CFAP58: variants seen among roughly 807,000 people sequenced by gnomAD.
The protein encoded by CFAP58 is cilia- and flagella-associated protein 58.
CFAP58 carries 88 observed loss-of-function variants against 119.5 expected under a neutral mutation model. That is an observed-to-expected ratio of 0.74 (90% CI 0.62 to 0.88). The LOEUF (loss-of-function observed/expected upper bound fraction) is 0.88, where lower values mean the gene tolerates loss of function less well. CFAP58 is among the 40% of genes least tolerant of loss of function. The pLI, the probability that CFAP58 is intolerant of heterozygous loss-of-function variation, is 0.00. For synonymous variants in CFAP58, 365 were observed against 366.3 expected, an observed-to-expected ratio of 1.00 and a Z score of 0.04; for missense variants, 990 against 1,021.2, an observed-to-expected ratio of 0.97 and a Z score of 0.42.
In CFAP58 at chr10:104,454,642, T is replaced by A. The variant is rs774343764; in HGVS notation, c.*112T>A. The A allele has an allele frequency of 1.1e-5, 8 of 745,984 alleles. No homozygotes were observed. Among genetic ancestry groups the A allele is most frequent in the Non-Finnish European group, 1.9e-5 (8 of 429,514 alleles). The allele number at this position is 745,984 out of a possible 1,614,324, so 46.2% of individuals were successfully genotyped here. A position where few individuals can be genotyped will look rare whatever the true frequency, so the allele number is the denominator to read the frequency against. ...AGAACTGAGTGCTGAGAATCCAGGA[T>A]GGAAAGAAATGCAGAACTATCATAG... On this transcript the variant is annotated 3_prime_UTR_variant, in exon 18 of 18. Transcript: ENST00000369704.
intron 15 of CFAP58, among the ~76,000 whole-genome samples, chr10:104,417,489 T>G (rs2012572642): frequency 6.6e-6 from 1 of 152,202 alleles, no homozygotes; most frequent in South Asian, 2.1e-4. Flanking sequence ...GACAACTGAA[T>G]GCAACCAGAA....
intron 17 of CFAP58, among the ~76,000 whole-genome samples, chr10:104,451,233 G>A (rs1489519999): frequency 6.6e-6 from 1 of 152,196 alleles, no homozygotes; most frequent in East Asian, 1.9e-4. Context: ...TGGCTTGAGT[G>A]CATTTGCCTA....
intron 7 of CFAP58, among the ~76,000 whole-genome samples, chr10:104,373,479 A>G (rs1008077351): frequency 3.9e-5 from 6 of 152,034 alleles, no homozygotes; most frequent in Admixed American, 3.3e-4. Context: ...TCAAAAAAAA[A>G]AATTGCCAGG....
At chr10:104,377,797 G>T (rs1181300774) in intron 8 of CFAP58, among the ~76,000 whole-genome samples, 1 of 151,998 alleles carries the variant, frequency 6.6e-6, no homozygotes, top group African/African-American at 2.4e-5. Context: ...GACTATTCAG[G>T]GAATCTCAGG....
Position 104,361,972 on chromosome 10 carries a change from C to T in CFAP58, c.292-51C>T, listed in dbSNP as rs12251440. ...TTATTCTGTTTGCTGGTTTATCTTG[C>T]ATCTAGAATCCAGTTTGGTCTTTCT... is the stretch of plus-strand genomic sequence containing the variant. On this transcript the variant is annotated intron_variant, in intron 2 of 17. Coordinates refer to ENST00000369704, the MANE Select transcript of CFAP58 (RefSeq NM_001008723.2). 6,397 of 1,560,900 alleles carry T rather than the reference C, an allele frequency of 4.1e-3. 197 individuals carry two copies. In the African/African-American group the frequency reaches 0.07, roughly 17 times the overall value.
At position 104,400,880 on chromosome 10, in the gene CFAP58, T is replaced by C. The variant is rs201388359; in HGVS notation, c.2016T>C (p.Ser672=). 11 of 1,613,906 alleles carry C rather than the reference T, an allele frequency of 6.8e-6. No individual in the cohort carries two copies. In the Admixed American group the frequency reaches 8.3e-5, roughly 12 times the overall value. ...LRREKGILAR[S]MANVEELRQE... ...GGGAAAAGGGGATTCTTGCCAGGAG[T>C]ATGGCTAATGTTGAAGAACTCAGGT... The change falls in exon 13 of 18, where the codon AGT becomes AGC. Residue 672 remains serine, a synonymous_variant. Coordinates refer to ENST00000369704, the MANE Select transcript of CFAP58 (RefSeq NM_001008723.2).
At chr10:104,405,431 C>G (rs1180090187) in intron 14 of CFAP58, among the ~76,000 whole-genome samples, 1 of 152,186 alleles carries the variant, frequency 6.6e-6, no homozygotes, top group Non-Finnish European at 1.5e-5. Flanking sequence ...TTTAAAGTTT[C>G]CAATTCCACA....
Position 104,396,369 on chromosome 10 carries a change from TGAGAGAGAGAGAGAGA to T in CFAP58, c.1675-2936_1675-2921del, listed in dbSNP as rs57210958. ...GCCATGGATAGGGAGCTGTTATCCA[TGAGAGAGAGAGAGAGA>T]GAGAGAGAGAGAGAGAGAGAGAGAG... On this transcript the variant is annotated intron_variant, in intron 11 of 17. Transcript: ENST00000369704. 3.1e-3 allele frequency among the ~76,000 whole-genome samples: 267 copies of T among 86,818 alleles called. 3 individuals are homozygous for T. The highest frequency in any genetic ancestry group is 5.2e-3 in the South Asian group (11 of 2,124). 57.0% of individuals were successfully genotyped at this position (86,818 alleles called of 152,430 possible).
intron 10 of CFAP58, 26 bp from the exon 11 acceptor site, chr10:104,393,303 A>G (rs759098745): frequency 9.4e-6 from 15 of 1,599,754 alleles, no homozygotes; most frequent in Non-Finnish European, 1.2e-5. Flanking sequence ...ATTCACTTTC[A>G]AACATTTCTC....
At chr10:104,366,650 T>C (rs2014755307) in intron 5 of CFAP58, among the ~76,000 whole-genome samples, 1 of 152,120 alleles carries the variant, frequency 6.6e-6, no homozygotes, top group Non-Finnish European at 1.5e-5. Context: ...AAATTAAAAA[T>C]TCATTTCCTT....
intron 13 of CFAP58, among the ~76,000 whole-genome samples, 200 bp downstream of exon 13, chr10:104,401,103 T>G (rs1437090164): frequency 6.6e-6 from 1 of 152,206 alleles, no homozygotes; most frequent in Non-Finnish European, 1.5e-5. Flanking sequence ...GTCACAATAA[T>G]GAACCAGCTT....
intron 15 of CFAP58, among the ~76,000 whole-genome samples, chr10:104,445,354 A>G (rs2013098801): frequency 6.6e-6 from 1 of 151,996 alleles, no homozygotes; most frequent in Admixed American, 6.6e-5. Flanking sequence ...AACAACAAAA[A>G]ACAAACCAAA....
At chr10:104,406,855 C>T (rs752598474) in intron 15 of CFAP58, 62 bp downstream of exon 15, 117 of 1,269,986 alleles carry the variant, frequency 9.2e-5, no homozygotes, top group Middle Eastern at 1.9e-4. Context: ...TCCAGGACTA[C>T]GTTCTTAGAA....
At chr10:104,351,002 T>G (rs1204135363), upstream of CFAP58, among the ~76,000 whole-genome samples, 1 of 152,154 alleles carries the variant, frequency 6.6e-6, no homozygotes, top group African/African-American at 2.4e-5. Context: ...GGTCTTTATT[T>G]TTGTTATATA....
chr10:104,358,012 T>C lies in CFAP58; in HGVS notation c.10-329T>C, dbSNP rs982134995. 5.8e-4 allele frequency among the ~76,000 whole-genome samples: 73 copies of C among 126,568 alleles called. 1 individual carries two copies. The highest frequency in any genetic ancestry group is 1.0e-3 in the African/African-American group (31 of 31,114). The allele number at this position is 126,568 out of a possible 152,430, so 83.0% of individuals were successfully genotyped here. On this transcript the variant is annotated intron_variant, in intron 1 of 17. Transcript: ENST00000369704. ...ACATATATGTACACATATATACACA[T>C]ATATGTACATATATATACATATGTA... is the stretch of plus-strand genomic sequence containing the variant.
intron 15 of CFAP58, among the ~76,000 whole-genome samples, chr10:104,423,621 C>T (rs1406083598): frequency 6.6e-6 from 1 of 151,186 alleles, no homozygotes; most frequent in African/African-American, 2.4e-5. Context: ...ACTTAGAGTC[C>T]AAAGGAAACA....
At chr10:104,442,559 G>A (rs995597350) in intron 15 of CFAP58, among the ~76,000 whole-genome samples, 10 of 151,016 alleles carry the variant, frequency 6.6e-5, no homozygotes, top group African/African-American at 2.4e-4. Flanking sequence ...TTGCACTCCA[G>A]GCTAGGTGAG....
intron 11 of CFAP58, among the ~76,000 whole-genome samples, chr10:104,395,364 G>C (rs1278298355): frequency 6.6e-6 from 1 of 152,212 alleles, no homozygotes; most frequent in African/African-American, 2.4e-5. Flanking sequence ...GCTCCAAATG[G>C]AGAATCCCAG....
chr10:104,342,274 T>G, the CFAP58 span, among the ~76,000 whole-genome samples: 5 of 152,236 alleles, frequency 3.3e-5, no homozygotes, highest in African/African-American at 1.2e-4. Context: ...CTATTTTCTA[T>G]TATAACTTTA....
Sources: allele counts gnomAD v4.1 joint callset (sites outside exome capture counted in the v4.1 genomes callset), GRCh38; gene constraint gnomAD v4.1.1; transcripts MANE v1.5; gene names NCBI Gene and HGNC (gene_info 2026-07-23, HGNC 2026-07-21).